The following AGPAT4 variants were observed in gnomAD, a reference collection of about 807,000 sequenced individuals.
AGPAT4 encodes 1-acyl-sn-glycerol-3-phosphate acyltransferase delta.
Under a neutral mutation model 48.0 loss-of-function variants are expected in AGPAT4, and 15 were observed. That is an observed-to-expected ratio of 0.31 (90% confidence interval 0.21 to 0.48). The LOEUF (loss-of-function observed/expected upper bound fraction) is 0.48, where lower values mean the gene tolerates loss of function less well. AGPAT4 is among the 20% of genes least tolerant of loss of function. The pLI, the probability that AGPAT4 is intolerant of heterozygous loss-of-function variation, is 0.99. For missense variants in AGPAT4, 314 were observed against 482.5 expected (o/e 0.65, Z 3.27); for synonymous variants, 178 against 198.7 (o/e 0.90, Z 0.88).
chr6:161,180,958 G>T lies in AGPAT4; in HGVS notation c.179-14541C>A, dbSNP rs898547915. On this transcript the variant is annotated intron_variant, in intron 2 of 8. Coordinates refer to ENST00000320285, the MANE Select transcript of AGPAT4 (RefSeq NM_020133.3). This position sits in a 1 kb window ranked among gnomAD's most constrained non-coding sequence, Gnocchi z 6.4. ...GAAGTAGATAGACAAAAACAAAGTG[G>T]AGTTAAGGAAGAAAGGCCTCTGCTG... Among the ~76,000 whole-genome samples, 11 of 152,180 alleles carry T rather than the reference G, an allele frequency of 7.2e-5. No homozygotes were observed. Among genetic ancestry groups the T allele is most frequent in the African/African-American group, 2.7e-4 (11 of 41,442 alleles).
At chr6:161,152,540 AC>A (rs1779621899) in intron 5 of AGPAT4, among the ~76,000 whole-genome samples, 1 of 152,090 alleles carries the variant, frequency 6.6e-6, no homozygotes, top group Admixed American at 6.5e-5. Flanking sequence ...GGCTGGAGAA[AC>A]CAAGGGGCCC....
chr6:161,175,615 G>GT (rs1240794399), intron 2 of AGPAT4, among the ~76,000 whole-genome samples: 4 of 151,946 alleles, frequency 2.6e-5, no homozygotes, highest in Admixed American at 2.6e-4. Flanking sequence ...TTTTTTAAGG[G>GT]TTTTTTGTGT....
rs770799093 is a variant in AGPAT4, at chr6:161,138,708, C to A, written c.1042+714G>T. On this transcript the variant is annotated intron_variant, in intron 8 of 8. Transcript: ENST00000320285. The surrounding 1 kb of genome is among the most constrained non-coding windows in gnomAD (Gnocchi z 4.8). ...TGTGCTTGGACAATGTGCCGTCTCT[C>A]CCGGGCTCTCCAAAGCCTCAGAGGA... 1.3e-5 allele frequency among the ~76,000 whole-genome samples: 2 copies of A among 152,126 alleles called. No individual in the cohort carries two copies. Among genetic ancestry groups the A allele is most frequent in the Admixed American group, 1.3e-4 (2 of 15,278 alleles).
rs1220262656 is a variant in AGPAT4 at position 161,246,020 on chromosome 6, TG to T, written c.-89-13719del. 1.3e-5 allele frequency among the ~76,000 whole-genome samples: 2 copies of T among 152,176 alleles called. No homozygotes were observed. The highest frequency in any genetic ancestry group is 2.9e-5 in the Non-Finnish European group (2 of 68,040). ...CAGTATCCTTGTTTCTAGATAGCTC[TG>T]AAAAATGGCCACAAGAATACTGAAG... On this transcript the variant is annotated intron_variant, in intron 1 of 8. Transcript: ENST00000320285. This position sits in a 1 kb window ranked among gnomAD's most constrained non-coding sequence, Gnocchi z 5.5.
rs999393223 is a variant in AGPAT4, at chr6:161,219,091, A to G, written c.178+12945T>C. ...GATAAACTGAAATAGAGAAAAATAC[A>G]AAAATATTTTTTGCCATTAGGATTT... On this transcript the variant is annotated intron_variant, in intron 2 of 8. Coordinates refer to ENST00000320285, the MANE Select transcript of AGPAT4 (RefSeq NM_020133.3). This position sits in a 1 kb window ranked among gnomAD's most constrained non-coding sequence, Gnocchi z 4.9. Among the ~76,000 whole-genome samples the G allele has an allele frequency of 1.3e-5, 2 of 152,248 alleles. No homozygotes were observed. The highest frequency in any genetic ancestry group is 4.8e-5 in the African/African-American group (2 of 41,474).
Position 161,225,864 on chromosome 6 carries a change from G to A in AGPAT4, c.178+6172C>T, listed in dbSNP as rs1781965481. Among the ~76,000 whole-genome samples, 1 of 152,214 alleles carries A rather than the reference G, an allele frequency of 6.6e-6. No homozygotes were observed. Among genetic ancestry groups the A allele is most frequent in the Admixed American group, 6.5e-5 (1 of 15,280 alleles). On this transcript the variant is annotated intron_variant, in intron 2 of 8. Coordinates refer to ENST00000320285, the MANE Select transcript of AGPAT4 (RefSeq NM_020133.3). The surrounding 1 kb of genome is among the most constrained non-coding windows in gnomAD (Gnocchi z 5.0). Reference sequence around the variant, plus strand: ...TTTGGGTTAGAATCTTAGAGCCACAGGCAGAAGGAGGCCTAGGCGGGTCTG... The same window carrying A: ...TTTGGGTTAGAATCTTAGAGCCACAAGCAGAAGGAGGCCTAGGCGGGTCTG...
rs1271278949 is a variant in AGPAT4 at position 161,138,274 on chromosome 6, A to AAT, written c.1042+1146_1042+1147dup. ...AATTTTTAACACTAAAATACATCTTAATCTTTCAAAAGACTGTATAGTAGG... is the reference window on the plus strand; with the variant it reads ...AATTTTTAACACTAAAATACATCTTAATATCTTTCAAAAGACTGTATAGTAGG... On this transcript the variant is annotated intron_variant, in intron 8 of 8. Coordinates refer to ENST00000320285, the MANE Select transcript of AGPAT4 (RefSeq NM_020133.3). This position sits in a 1 kb window ranked among gnomAD's most constrained non-coding sequence, Gnocchi z 4.8. Among the ~76,000 whole-genome samples the AAT allele has an allele frequency of 6.6e-6, 1 of 152,164 alleles. No homozygotes were observed. Among genetic ancestry groups the AAT allele is most frequent in the East Asian group, 1.9e-4 (1 of 5,184 alleles).
Position 161,236,557 on chromosome 6 carries a change from C to A in AGPAT4, c.-89-4255G>T, listed in dbSNP as rs1782281521. Among the ~76,000 whole-genome samples, 1 of 152,082 alleles carries A rather than the reference C, an allele frequency of 6.6e-6. No individual in the cohort carries two copies. Among genetic ancestry groups the A allele is most frequent in the African/African-American group, 2.4e-5 (1 of 41,406 alleles). On this transcript the variant is annotated intron_variant, in intron 1 of 8. Coordinates refer to ENST00000320285, the MANE Select transcript of AGPAT4 (RefSeq NM_020133.3). The surrounding 1 kb of genome is among the most constrained non-coding windows in gnomAD (Gnocchi z 5.0). ...AAAGAAATCTGGCCACAGAGGCTGGCACGGTTACCTCTGGGGGCAGACAAG... is the reference window on the plus strand; with the variant it reads ...AAAGAAATCTGGCCACAGAGGCTGGAACGGTTACCTCTGGGGGCAGACAAG...
Position 161,137,614 on chromosome 6 carries a change from C to T in AGPAT4, c.1043-980G>A, listed in dbSNP as rs1779108707. ...GTAGAGCAGAAAGAAGTGAGTAAAA[C>T]GTGGACCGTGTGGCCTTGGAAGAGG... On this transcript the variant is annotated intron_variant, in intron 8 of 8. Transcript: ENST00000320285. The surrounding 1 kb of genome is among the most constrained non-coding windows in gnomAD (Gnocchi z 6.1). 6.6e-6 allele frequency among the ~76,000 whole-genome samples: 1 copy of T among 151,440 alleles called. No individual in the cohort carries two copies. Among genetic ancestry groups the T allele is most frequent in the East Asian group, 1.9e-4 (1 of 5,192 alleles).
rs1780066663 is a variant in AGPAT4 at position 161,165,442 on chromosome 6, C to A, written c.348+806G>T. 2.8e-6 allele frequency: 1 copy of A among 356,356 alleles called. No homozygotes were observed. The highest frequency in any genetic ancestry group is 2.1e-5 in the African/African-American group (1 of 47,400). 22.1% of individuals were successfully genotyped at this position (356,356 alleles called of 1,614,324 possible). A position where few individuals can be genotyped will look rare whatever the true frequency, so the allele number is the denominator to read the frequency against. On this transcript the variant is annotated intron_variant, in intron 3 of 8. Coordinates refer to ENST00000320285, the MANE Select transcript of AGPAT4 (RefSeq NM_020133.3). The surrounding 1 kb of genome is among the most constrained non-coding windows in gnomAD (Gnocchi z 5.5). ...CTACCAAAAAGCAAGGTGATTTCAG[C>A]AGCCCCCGTATCTGTTCTACAGGGC...
intron 2 of AGPAT4, among the ~76,000 whole-genome samples, chr6:161,228,330 G>A (rs535015095): frequency 6.6e-6 from 1 of 152,248 alleles, no homozygotes; most frequent in East Asian, 1.9e-4. Context: ...GCCACCATGT[G>A]GCCTTCCCCA....
In AGPAT4 at chr6:161,249,596, C is replaced by A. The variant is rs1465010116; in HGVS notation, c.-89-17294G>T. On this transcript the variant is annotated intron_variant, in intron 1 of 8. Coordinates refer to ENST00000320285, the MANE Select transcript of AGPAT4 (RefSeq NM_020133.3). The surrounding 1 kb of genome is among the most constrained non-coding windows in gnomAD (Gnocchi z 6.2). ...TCATGATCATTAGAGAAATGCAAAT[C>A]AAAAACACAGTGAGATAGCATCTCA... 1.3e-5 allele frequency among the ~76,000 whole-genome samples: 2 copies of A among 152,052 alleles called. No individual in the cohort carries two copies. Among genetic ancestry groups the A allele is most frequent in the East Asian group, 3.9e-4 (2 of 5,194 alleles).
chr6:161,224,100 A>C (rs965947548), intron 2 of AGPAT4, among the ~76,000 whole-genome samples: 4 of 152,146 alleles, frequency 2.6e-5, no homozygotes, highest in Non-Finnish European at 5.9e-5. Flanking sequence ...AAATTAAAGC[A>C]ATTTCTGGAT....
rs1447544199 is a variant in AGPAT4 at position 161,161,183 on chromosome 6, A to G, written c.348+5065T>C. On this transcript the variant is annotated intron_variant, in intron 3 of 8. Coordinates refer to ENST00000320285, the MANE Select transcript of AGPAT4 (RefSeq NM_020133.3). This position sits in a 1 kb window ranked among gnomAD's most constrained non-coding sequence, Gnocchi z 4.6. ...GATCAGACTCTGGCTTGTTAAAGACACTGCCAGAGGATCCTGGTCAACAAA... is the reference window on the plus strand; with the variant it reads ...GATCAGACTCTGGCTTGTTAAAGACGCTGCCAGAGGATCCTGGTCAACAAA... 4.4e-6 allele frequency: 2 copies of G among 456,598 alleles called. No individual in the cohort carries two copies. The highest frequency in any genetic ancestry group is 4.7e-5 in the Admixed American group (2 of 42,570). 28.3% of individuals were successfully genotyped at this position (456,598 alleles called of 1,614,324 possible).
In AGPAT4 at chr6:161,159,621, G is replaced by GTT. The variant is rs1779864210; in HGVS notation, c.349-5312_349-5311insAA. ...TGTGTGCACGCGTGCGTGTGTGTGTGTGTTCATCAAAAGGTGAGAGACTCC... is the reference window on the plus strand; with the variant it reads ...TGTGTGCACGCGTGCGTGTGTGTGTGTTTGTTCATCAAAAGGTGAGAGACTCC... On this transcript the variant is annotated intron_variant, in intron 3 of 8. Coordinates refer to ENST00000320285, the MANE Select transcript of AGPAT4 (RefSeq NM_020133.3). The surrounding 1 kb of genome is among the most constrained non-coding windows in gnomAD (Gnocchi z 4.1). Among the ~76,000 whole-genome samples the GTT allele has an allele frequency of 1.3e-5, 2 of 152,178 alleles. No homozygotes were observed. The highest frequency in any genetic ancestry group is 4.8e-5 in the African/African-American group (2 of 41,448).
rs1782110091 is a variant in AGPAT4 at position 161,231,052 on chromosome 6, T to A, written c.178+984A>T. 9.1e-6 allele frequency among the ~76,000 whole-genome samples: 1 copy of A among 110,430 alleles called. No individual in the cohort carries two copies. Among genetic ancestry groups the A allele is most frequent in the Admixed American group, 7.6e-5 (1 of 13,174 alleles). The allele number at this position is 110,430 out of a possible 152,430, so 72.4% of individuals were successfully genotyped here. A position where few individuals can be genotyped will look rare whatever the true frequency, so the allele number is the denominator to read the frequency against. The stretch of plus-strand genomic sequence containing the variant: ...AATTGTCTTGATTCAAATTCAAATT[T>A]GATCATTTTAAAGGGTATCAAAAAT... On this transcript the variant is annotated intron_variant, in intron 2 of 8. Transcript: ENST00000320285. The surrounding 1 kb of genome is among the most constrained non-coding windows in gnomAD (Gnocchi z 5.3).
At chr6:161,263,392 C>T (rs530990808) in intron 1 of AGPAT4, among the ~76,000 whole-genome samples, 1 of 152,138 alleles carries the variant, frequency 6.6e-6, no homozygotes, top group East Asian at 1.9e-4. Context: ...TGGGGAGGCT[C>T]AGGCAGGAGA....
intron 1 of AGPAT4, among the ~76,000 whole-genome samples, chr6:161,271,761 A>T (rs193218098): frequency 6.6e-6 from 1 of 152,126 alleles, no homozygotes; most frequent in East Asian, 1.9e-4. Flanking sequence ...GTTCTATTCC[A>T]TTAGGCTTTT....
Position 161,171,069 on chromosome 6 carries a change from G to A in AGPAT4, c.179-4652C>T, listed in dbSNP as rs1780255682. 6.6e-6 allele frequency among the ~76,000 whole-genome samples: 1 copy of A among 152,140 alleles called. No individual in the cohort carries two copies. Among genetic ancestry groups the A allele is most frequent in the Admixed American group, 6.5e-5 (1 of 15,278 alleles). ...AGTGGGCACCTGAGCAATCCATCCC[G>A]ACCAGAAGCTATCAGCAGGTGCTGC... On this transcript the variant is annotated intron_variant, in intron 2 of 8. Coordinates refer to ENST00000320285, the MANE Select transcript of AGPAT4 (RefSeq NM_020133.3). The surrounding 1 kb of genome is among the most constrained non-coding windows in gnomAD (Gnocchi z 4.4).
Sources: gnomAD v4.1 joint callset for allele counts (sites outside exome capture counted in the v4.1 genomes callset) on GRCh38, gnomAD v4.1.1 for gene constraint, Gnocchi (gnomAD v3.1) non-coding constraint, MANE v1.5 for transcripts, NCBI Gene and HGNC (gene_info 2026-07-23, HGNC 2026-07-21) for gene names.